BACE1: variants seen among roughly 807,000 people sequenced by gnomAD.
BACE1 encodes beta-secretase 1, also known as APP beta-secretase.
A neutral mutation model predicts 54.0 loss-of-function variants in BACE1; 21 were observed. The observed-to-expected ratio is 0.39, with a 90% CI of 0.28 to 0.56. BACE1 has a LOEUF of 0.56. Among genes scored for constraint, BACE1 ranks in the 20% least tolerant of loss-of-function variants. The probability of loss-of-function intolerance (pLI) is 0.63; values close to 1 mark genes in which losing one functional copy is unlikely to be tolerated. For missense variants in BACE1, 511 were observed against 661.2 expected (o/e 0.77, Z 2.49); for synonymous variants, 232 against 260.9 (o/e 0.89, Z 1.07).
chr11:117,301,491 C>T (rs1023093669), intron 1 of BACE1, among the ~76,000 whole-genome samples: 6 of 152,176 alleles, frequency 3.9e-5, no homozygotes, highest in Non-Finnish European at 7.3e-5. Context: ...CACCAGTGGT[C>T]CCTGCTACTC....
chr11:117,289,327 C>T lies in BACE1; in HGVS notation c.*239G>A, dbSNP rs976471633. ...ATTTCCCGACTTAAATTTGAGGTGA[C>T]CAAGAGTATTCCCGCCAGCAGAGTG... On this transcript the variant is annotated 3_prime_UTR_variant, in exon 9 of 9. Coordinates refer to ENST00000313005, the MANE Select transcript of BACE1 (RefSeq NM_012104.6). The T allele has an allele frequency of 1.8e-6, 1 of 547,870 alleles. No individual in the cohort carries two copies. Among genetic ancestry groups the T allele is most frequent in the African/African-American group, 1.9e-5 (1 of 53,544 alleles). The allele number at this position is 547,870 out of a possible 1,614,324, so 33.9% of individuals were successfully genotyped here.
chr11:117,308,786 C>A (rs1045504831), intron 1 of BACE1, among the ~76,000 whole-genome samples: 23 of 151,862 alleles, frequency 1.5e-4, no homozygotes, highest in African/African-American at 4.8e-4. Context: ...CCCATCTCTA[C>A]TAAAAATACC....
At chr11:117,294,094 G>C in intron 3 of BACE1, 86 bp from the exon 4 acceptor site, 1 of 1,482,026 alleles carries the variant, frequency 6.7e-7, no homozygotes, top group Non-Finnish European at 9.1e-7. Context: ...AGGCAAATTT[G>C]AAGGCTTGGG....
At chr11:117,292,499 A>C (rs1304538270) in intron 5 of BACE1, among the ~76,000 whole-genome samples, 4 of 152,166 alleles carry the variant, frequency 2.6e-5, no homozygotes, top group African/African-American at 9.7e-5. Flanking sequence ...TAGTACATTT[A>C]TATCTATTCT....
Position 117,289,510 on chromosome 11 carries a change from AGT to A in BACE1, c.*54_*55del. The A allele has an allele frequency of 6.3e-7, 1 of 1,586,480 alleles. No individual in the cohort carries two copies. Among genetic ancestry groups the A allele is most frequent in the Non-Finnish European group, 8.6e-7 (1 of 1,165,668 alleles). On this transcript the variant is annotated 3_prime_UTR_variant, in exon 9 of 9. Transcript: ENST00000313005. ...ATCTGTGTCTCCTACTTGTGACCAA[AGT>A]GAACCACGGAGGTGTGGTCCAGGGG...
In BACE1 at chr11:117,305,890, G is replaced by A. The variant is rs1320563084; in HGVS notation, c.262-8929C>T. The stretch of plus-strand genomic sequence containing the variant: ...CTCCACTAAAAAATACAAAAAATTA[G>A]CCGGGCGTGATGGCAGGCGCCTGTA... On this transcript the variant is annotated intron_variant, in intron 1 of 8. Transcript: ENST00000313005. Among the ~76,000 whole-genome samples, 18 of 152,106 alleles carry A rather than the reference G, an allele frequency of 1.2e-4. No homozygotes were observed. In the South Asian group the frequency reaches 3.7e-3, roughly 32 times the overall value.
chr11:117,311,575 A>C (rs1274085190), intron 1 of BACE1, among the ~76,000 whole-genome samples: 2 of 152,052 alleles, frequency 1.3e-5, no homozygotes, highest in African/African-American at 4.8e-5. Context: ...TCCTTGTCAT[A>C]GAGGGCCTCA....
intron 1 of BACE1, among the ~76,000 whole-genome samples, chr11:117,304,662 T>G (rs2034792201): frequency 1.3e-5 from 2 of 152,234 alleles, no homozygotes; most frequent in Admixed American, 1.3e-4. Context: ...CACATTACAC[T>G]TTAAATATCC....
intron 2 of BACE1, among the ~76,000 whole-genome samples, chr11:117,296,290 A>C (rs2034597584): frequency 6.8e-6 from 1 of 147,134 alleles, no homozygotes; most frequent in South Asian, 2.2e-4. Context: ...CCCCCCTTTC[A>C]CCAGTAAGCT....
rs556360601 is a variant in BACE1 at position 117,310,958 on chromosome 11, CTG to C, written c.261+4575_261+4576del. 1.6e-3 allele frequency among the ~76,000 whole-genome samples: 248 copies of C among 151,636 alleles called. 7 individuals are homozygous for C. Among genetic ancestry groups the C allele is most frequent in the Non-Finnish European group, 1.8e-4 (12 of 67,976 alleles). On this transcript the variant is annotated intron_variant, in intron 1 of 8. Transcript: ENST00000313005. Reference sequence around the variant, plus strand: ...TCAACCCCATTTCTTCTGCTAGACACTGTGAGTGATAAAGACCTTTTTTTTTT... The same window carrying C: ...TCAACCCCATTTCTTCTGCTAGACACTGAGTGATAAAGACCTTTTTTTTTT...
Position 117,287,649 on chromosome 11 carries a change from A to C in BACE1, c.*1917T>G, listed in dbSNP as rs1446784524. ...TTATAAAGCAAAATGTGGCATTTTC[A>C]CTTCATGGTAGCAGTTCTGAAAGTT... is the stretch of plus-strand genomic sequence containing the variant. On this transcript the variant is annotated 3_prime_UTR_variant, in exon 9 of 9. Transcript: ENST00000313005. The C allele has an allele frequency of 6.6e-6, 1 of 152,514 alleles. No homozygotes were observed. Among genetic ancestry groups the C allele is most frequent in the Non-Finnish European group, 1.5e-5 (1 of 68,026 alleles). The allele number at this position is 152,514 out of a possible 1,614,324, so 9.4% of individuals were successfully genotyped here. A position where few individuals can be genotyped will look rare whatever the true frequency, so the allele number is the denominator to read the frequency against.
At chr11:117,313,575 C>T (rs541109675) in intron 1 of BACE1, among the ~76,000 whole-genome samples, 109 of 152,326 alleles carry the variant, frequency 7.2e-4, no homozygotes, top group Non-Finnish European at 1.3e-3. Context: ...GCTGGGATTA[C>T]AGGTGCATGC....
At chr11:117,291,353 C>T (rs931826671) in intron 6 of BACE1, among the ~76,000 whole-genome samples, 7 of 151,772 alleles carry the variant, frequency 4.6e-5, no homozygotes, top group East Asian at 1.9e-4. Flanking sequence ...CATGGCTCAC[C>T]GCAACCTCCA....
rs1401955960 is a variant in BACE1, at chr11:117,305,115, C to T, written c.262-8154G>A. Among the ~76,000 whole-genome samples, 3 of 152,040 alleles carry T rather than the reference C, an allele frequency of 2.0e-5. No individual in the cohort carries two copies. In the South Asian group the frequency reaches 6.2e-4, roughly 32 times the overall value. On this transcript the variant is annotated intron_variant, in intron 1 of 8. Coordinates refer to ENST00000313005, the MANE Select transcript of BACE1 (RefSeq NM_012104.6). Reference sequence around the variant, plus strand: ...CTAATTTTTGCATTTTTAGTACAGACGGGGTTTCACCATGTTGGTGAATAT... The same window carrying T: ...CTAATTTTTGCATTTTTAGTACAGATGGGGTTTCACCATGTTGGTGAATAT...
At chr11:117,305,212 G>A (rs1440765817) in intron 1 of BACE1, among the ~76,000 whole-genome samples, 2 of 152,160 alleles carry the variant, frequency 1.3e-5, no homozygotes, top group East Asian at 1.9e-4. Flanking sequence ...AACCTTGTGA[G>A]TCAGCTTCAT....
chr11:117,298,536 C>T (rs761583758), intron 1 of BACE1, among the ~76,000 whole-genome samples: 5 of 152,176 alleles, frequency 3.3e-5, no homozygotes, highest in Non-Finnish European at 7.3e-5. Flanking sequence ...CAGAGAAGAC[C>T]TATTCTAGGA....
intron 8 of BACE1, 78 bp from the exon 9 acceptor site, chr11:117,289,885 G>T: frequency 7.6e-7 from 1 of 1,316,370 alleles, no homozygotes; most frequent in South Asian, 1.3e-5. Context: ...TGATAGTGAG[G>T]CCTTGAAATT....
chr11:117,305,941 CAGG>C (rs1565365200), intron 1 of BACE1, among the ~76,000 whole-genome samples: 1 of 152,046 alleles, frequency 6.6e-6, no homozygotes, highest in African/African-American at 2.4e-5. Flanking sequence ...GAGGCTGAAG[CAGG>C]AGAATGGCGT....
In BACE1 at chr11:117,295,254, G is replaced by C; in HGVS notation, c.444C>G (p.Ile148Met). The C allele has an allele frequency of 1.2e-6, 2 of 1,614,230 alleles. No homozygotes were observed. Among genetic ancestry groups the C allele is most frequent in the Non-Finnish European group, 1.7e-6 (2 of 1,180,042 alleles). ...GCACAGTGACGTTGGGGCCATGGGGGATGCTTACCAGGTCGGTGCCCAGCT... is the reference window on the plus strand; with the variant it reads ...GCACAGTGACGTTGGGGCCATGGGGCATGCTTACCAGGTCGGTGCCCAGCT... ...EGELGTDLVS[I>M]PHGPNVTVRA... The change falls in exon 3 of 9, where the codon ATC becomes ATG. Residue 148 changes from isoleucine to methionine, a missense_variant. Around this residue, in one of 2 missense-constraint regions of BACE1, gnomAD observed 407 missense variants for 565.7 expected, o/e 0.72. Coordinates refer to ENST00000313005, the MANE Select transcript of BACE1 (RefSeq NM_012104.6).
Sources: allele counts gnomAD v4.1 joint callset (sites outside exome capture counted in the v4.1 genomes callset), GRCh38; gene constraint gnomAD v4.1.1; regional missense constraint gnomAD v4.1.1; transcripts MANE v1.5; gene names NCBI Gene and HGNC (gene_info 2026-07-23, HGNC 2026-07-21).